The following NID1 variants were observed in gnomAD, a reference collection of about 807,000 sequenced individuals.
The protein encoded by NID1 is nidogen 1.
Under a neutral mutation model 130.6 loss-of-function variants are expected in NID1, and 76 were observed. The ratio of observed to expected loss-of-function variants is 0.58; its 90% confidence interval spans 0.48 to 0.70. The LOEUF (loss-of-function observed/expected upper bound fraction) is 0.70, where lower values mean the gene tolerates loss of function less well. NID1 is among the 30% of genes least tolerant of loss of function. The pLI is 0.00. For synonymous variants in NID1, 665 were observed against 675.1 expected (o/e 0.98, Z 0.23); for missense variants, 1,517 against 1,664.8 (o/e 0.91, Z 1.54).
At chr1:236,064,238 G>C (rs2102856625) in intron 1 of NID1, among the ~76,000 whole-genome samples, 1 of 152,350 alleles carries the variant, frequency 6.6e-6, no homozygotes, top group East Asian at 1.9e-4. Flanking sequence ...GGCCTCCGTG[G>C]TGACAATGCC....
At chr1:236,036,929 GC>G (rs1659277977) in intron 5 of NID1, among the ~76,000 whole-genome samples, 2 of 152,116 alleles carry the variant, frequency 1.3e-5, no homozygotes, top group African/African-American at 4.8e-5. Flanking sequence ...CAGGTATTCT[GC>G]TAGAAGCATC....
intron 1 of NID1, chr1:236,060,574 C>T (rs2102853899): frequency 6.6e-6 from 1 of 152,296 alleles, no homozygotes; most frequent in South Asian, 2.1e-4. Context: ...TCAATATTTT[C>T]AACTTAATCC....
chr1:236,022,539 C>G (rs978506896), intron 9 of NID1, among the ~76,000 whole-genome samples: 4 of 151,144 alleles, frequency 2.6e-5, no homozygotes, highest in Non-Finnish European at 5.9e-5. Flanking sequence ...GGGGTTTCAC[C>G]ATGTTGGCCA....
intron 15 of NID1, among the ~76,000 whole-genome samples, chr1:235,982,548 CA>C (rs987156665): frequency 2.0e-5 from 3 of 152,164 alleles, no homozygotes; most frequent in African/African-American, 7.2e-5. Context: ...TCAGTGATTA[CA>C]AATAACACCC....
chr1:236,038,923 T>C (rs1440374738), intron 4 of NID1, among the ~76,000 whole-genome samples: 3 of 141,778 alleles, frequency 2.1e-5, no homozygotes, highest in Non-Finnish European at 4.5e-5. Flanking sequence ...ATATTACATA[T>C]ATGTAATATA....
intron 9 of NID1, among the ~76,000 whole-genome samples, chr1:236,021,129 G>A (rs1213046255): frequency 6.6e-6 from 1 of 152,174 alleles, no homozygotes; most frequent in Non-Finnish European, 1.5e-5. Flanking sequence ...GATCGGTGAA[G>A]GAGCCCCATC....
intron 11 of NID1, among the ~76,000 whole-genome samples, 184 bp downstream of exon 11, chr1:236,013,227 C>A (rs945231606): frequency 6.6e-6 from 1 of 152,072 alleles, no homozygotes; most frequent in Non-Finnish European, 1.5e-5. Context: ...TGAGAATAGC[C>A]CCCAAAAGAA....
intron 5 of NID1, among the ~76,000 whole-genome samples, chr1:236,036,539 C>T (rs1424507268): frequency 3.3e-5 from 5 of 152,178 alleles, no homozygotes; most frequent in East Asian, 1.9e-4. Context: ...AAATGACCCA[C>T]GACAAGTGAG....
intron 12 of NID1, among the ~76,000 whole-genome samples, chr1:236,005,065 C>T (rs909799259): frequency 2.6e-5 from 4 of 151,944 alleles, no homozygotes; most frequent in African/African-American, 4.8e-5. Flanking sequence ...CACAGCTACT[C>T]GGGAGGCTGA....
At chr1:236,024,964 T>G (rs1658878601) in intron 8 of NID1, among the ~76,000 whole-genome samples, 1 of 152,046 alleles carries the variant, frequency 6.6e-6, no homozygotes, top group South Asian at 2.1e-4. Flanking sequence ...TTTCTTTTTT[T>G]TTTTTTGAGA....
At chr1:236,024,312 T>C in intron 8 of NID1, 99 bp from the exon 9 acceptor site, 1 of 1,430,732 alleles carries the variant, frequency 7.0e-7, no homozygotes, top group South Asian at 1.3e-5. Context: ...AGCAAGAAGG[T>C]GATCACAGAA....
At chr1:236,013,686 C>G (rs887266023) in intron 10 of NID1, 126 bp from the exon 11 acceptor site, 1 of 1,061,630 alleles carries the variant, frequency 9.4e-7, no homozygotes, top group Non-Finnish European at 1.4e-6. Context: ...TCCACAGCTT[C>G]ACCTGCACCC....
At chr1:235,980,074 A>C in intron 17 of NID1, 129 bp from the exon 18 acceptor site, 1 of 1,090,876 alleles carries the variant, frequency 9.2e-7, no homozygotes, top group Non-Finnish European at 1.4e-6. Flanking sequence ...CAGAGAACAC[A>C]TGAGGCTTGC....
At chr1:236,030,851 TG>T (rs760811421) in intron 6 of NID1, among the ~76,000 whole-genome samples, 11 of 152,210 alleles carry the variant, frequency 7.2e-5, no homozygotes, top group Non-Finnish European at 1.6e-4. Flanking sequence ...TCAGCCCAGC[TG>T]AAGTCCATGT....
intron 7 of NID1, 24 bp from the exon 8 acceptor site, chr1:236,026,165 G>A (rs777123873): frequency 1.2e-5 from 19 of 1,610,360 alleles, no homozygotes; most frequent in Non-Finnish European, 1.6e-5. Flanking sequence ...AGGATGGAGG[G>A]GACAAGGCAG....
rs184055960 is a variant in NID1 at position 236,042,655 on chromosome 1, G to A, written c.753-363C>T. Among the ~76,000 whole-genome samples, 8 of 152,316 alleles carry A rather than the reference G, an allele frequency of 5.3e-5. No individual in the cohort carries two copies. In the East Asian group the frequency reaches 5.8e-4, roughly 11 times the overall value. ...CTCATAGGACTGACAGTGGCTTTAG[G>A]ACTGAAGTCATTCATGCTCTCCACT... On this transcript the variant is annotated intron_variant, in intron 3 of 19. Coordinates refer to ENST00000264187, the MANE Select transcript of NID1 (RefSeq NM_002508.3).
chr1:236,017,030 G>T, intron 10 of NID1, 118 bp downstream of exon 10: 1 of 1,272,420 alleles, frequency 7.9e-7, no homozygotes, highest in Non-Finnish European at 1.1e-6. Context: ...TTTATAAATT[G>T]CTCTTCCCAG....
chr1:235,979,805 G>C lies in NID1; in HGVS notation c.3509+17C>G. 1 of 1,612,690 alleles carries C rather than the reference G, an allele frequency of 6.2e-7. No homozygotes were observed. The highest frequency in any genetic ancestry group is 1.7e-4 in the Middle Eastern group (1 of 6,018). On this transcript the variant is annotated intron_variant, in intron 18 of 19. Transcript: ENST00000264187. The surrounding 1 kb of genome is among the most constrained non-coding windows in gnomAD (Gnocchi z 4.6). ...AGGGGCAGGCCCACGCAGCCCCCAT[G>C]GCTACAGCTGACGTACATCTTCCAG...
At chr1:236,033,999 C>T (rs186691760) in intron 5 of NID1, among the ~76,000 whole-genome samples, 15 of 152,250 alleles carry the variant, frequency 9.9e-5, no homozygotes, top group Admixed American at 4.6e-4. Context: ...CACACAAAAA[C>T]GTGAACACAA....
Sources: allele counts gnomAD v4.1 joint callset (sites outside exome capture counted in the v4.1 genomes callset), GRCh38; gene constraint gnomAD v4.1.1; non-coding constraint Gnocchi (gnomAD v3.1); transcripts MANE v1.5; gene names NCBI Gene and HGNC (gene_info 2026-07-23, HGNC 2026-07-21).